Variants in LRRTM3 observed in about 807,000 individuals in gnomAD.
LRRTM3 encodes leucine rich repeat transmembrane neuronal 3.
Under a neutral mutation model 44.7 loss-of-function variants are expected in LRRTM3, and 24 were observed. The observed-to-expected ratio is 0.54, with a 90% CI of 0.39 to 0.76. LRRTM3 has a LOEUF of 0.76. Ranked by LOEUF, LRRTM3 falls within the 30% of genes least tolerant of loss-of-function variation. The probability of loss-of-function intolerance (pLI) is 0.00; values close to 1 mark genes in which losing one functional copy is unlikely to be tolerated. For synonymous variants in LRRTM3, 277 were observed against 278.7 expected, an observed-to-expected ratio of 0.99 and a Z score of 0.06; for missense variants, 587 against 702.2, an observed-to-expected ratio of 0.84 and a Z score of 1.85.
chr10:67,042,498 GAGTCA>G (rs747913264), intron 2 of LRRTM3, among the ~76,000 whole-genome samples: 61 of 152,222 alleles, frequency 4.0e-4, no homozygotes, highest in Non-Finnish European at 7.9e-4. Flanking sequence ...GAGAGATTTG[GAGTCA>G]TATATGTATA....
At position 67,068,715 on chromosome 10, in the gene LRRTM3, A is replaced by G. The variant is rs528994455; in HGVS notation, c.1537-28872A>G. 9.2e-5 allele frequency among the ~76,000 whole-genome samples: 14 copies of G among 152,346 alleles called. No homozygotes were observed. In the South Asian group the frequency reaches 2.9e-3, roughly 32 times the overall value. On this transcript the variant is annotated intron_variant, in intron 2 of 2. Coordinates refer to ENST00000361320, the MANE Select transcript of LRRTM3 (RefSeq NM_178011.5). ...AATGACCCAAATATGTTAGAAAAAG[A>G]CTAAAATAATCCATCAGATTTGTTC...
At chr10:67,069,398 C>G (rs2131842301) in intron 2 of LRRTM3, among the ~76,000 whole-genome samples, 1 of 152,024 alleles carries the variant, frequency 6.6e-6, no homozygotes, top group Middle Eastern at 3.4e-3. Flanking sequence ...AGCTTATTAA[C>G]TCAAAAAACG....
intron 2 of LRRTM3, among the ~76,000 whole-genome samples, chr10:67,029,661 T>C (rs1240633659): frequency 6.6e-6 from 1 of 152,198 alleles, no homozygotes; most frequent in African/African-American, 2.4e-5. Flanking sequence ...TAAATTTTAA[T>C]TTTCCCAAAA....
At chr10:66,978,337 C>A (rs1850182751) in intron 2 of LRRTM3, among the ~76,000 whole-genome samples, 2 of 151,228 alleles carry the variant, frequency 1.3e-5, no homozygotes, top group Admixed American at 1.3e-4. Context: ...ACCAGCCTGG[C>A]CAACATGGCA....
At position 67,049,836 on chromosome 10, in the gene LRRTM3, T is replaced by TA. The variant is rs575360768; in HGVS notation, c.1537-47751_1537-47750insA. 2.3e-3 allele frequency among the ~76,000 whole-genome samples: 346 copies of TA among 152,322 alleles called. 2 individuals are homozygous for TA. Among genetic ancestry groups the TA allele is most frequent in the African/African-American group, 8.0e-3 (332 of 41,574 alleles). ...GGTATGTGCATGTGTTTTATATATA[T>TA]TACAAATATAGTAATATATACACAC... On this transcript the variant is annotated intron_variant, in intron 2 of 2. Transcript: ENST00000361320.
intron 2 of LRRTM3, among the ~76,000 whole-genome samples, chr10:67,017,868 C>T (rs564747724): frequency 6.6e-6 from 1 of 152,036 alleles, no homozygotes; most frequent in Admixed American, 6.6e-5. Context: ...CTCCAGGGTT[C>T]AAGCGATTCT....
chr10:66,967,921 C>G (rs746970326), intron 2 of LRRTM3, among the ~76,000 whole-genome samples: 1 of 152,002 alleles, frequency 6.6e-6, no homozygotes, highest in Non-Finnish European at 1.5e-5. Context: ...ATCTATGATT[C>G]AGTGTGTTTC....
chr10:67,080,480 T>G (rs922848024), intron 2 of LRRTM3, among the ~76,000 whole-genome samples: 1 of 152,206 alleles, frequency 6.6e-6, no homozygotes, highest in Non-Finnish European at 1.5e-5. Flanking sequence ...TCGCAATACA[T>G]CTACTGACAT....
intron 2 of LRRTM3, among the ~76,000 whole-genome samples, chr10:67,035,465 T>A (rs952722415): frequency 3.3e-5 from 5 of 152,188 alleles, no homozygotes; most frequent in African/African-American, 4.8e-5. Flanking sequence ...TATTTTTTTT[T>A]AATTTTGAAG....
chr10:66,955,802 T>C (rs116555867), intron 2 of LRRTM3, among the ~76,000 whole-genome samples: 3,042 of 152,288 alleles, frequency 0.02, 96 homozygotes, highest in African/African-American at 0.069. Context: ...CCCATTCTCC[T>C]AGTATTTCTG....
chr10:67,010,614 C>T (rs1294396216), intron 2 of LRRTM3, among the ~76,000 whole-genome samples: 1 of 152,180 alleles, frequency 6.6e-6, no homozygotes, highest in Middle Eastern at 3.2e-3. Flanking sequence ...TTTACCACCG[C>T]CACCACCACT....
intron 2 of LRRTM3, among the ~76,000 whole-genome samples, chr10:67,042,306 G>A (rs546852693): frequency 6.6e-6 from 1 of 152,178 alleles, no homozygotes; most frequent in African/African-American, 2.4e-5. Context: ...TGAGAGGCAG[G>A]ACAGACAGAG....
intron 2 of LRRTM3, among the ~76,000 whole-genome samples, chr10:66,953,913 G>A (rs1249317026): frequency 6.6e-6 from 1 of 152,086 alleles, no homozygotes; most frequent in African/African-American, 2.4e-5. Flanking sequence ...CATTTCCTCT[G>A]CTATAAAATC....
At chr10:67,079,536 A>G (rs1275482194) in intron 2 of LRRTM3, among the ~76,000 whole-genome samples, 1 of 152,176 alleles carries the variant, frequency 6.6e-6, no homozygotes, top group Non-Finnish European at 1.5e-5. Flanking sequence ...TGTTATAATT[A>G]GGAAGATAAA....
At chr10:67,041,140 G>A (rs1277304301) in intron 2 of LRRTM3, among the ~76,000 whole-genome samples, 2 of 152,014 alleles carry the variant, frequency 1.3e-5, no homozygotes, top group Admixed American at 1.3e-4. Context: ...GAGAACTAGG[G>A]AATTCAGCCA....
chr10:67,045,642 A>T (rs2133163930), intron 2 of LRRTM3, among the ~76,000 whole-genome samples: 1 of 152,284 alleles, frequency 6.6e-6, no homozygotes, highest in Non-Finnish European at 1.5e-5. Context: ...TCCCAGGACT[A>T]GGGGCACTCC....
chr10:67,095,473 C>T (rs1314613385), intron 2 of LRRTM3, among the ~76,000 whole-genome samples: 1 of 151,732 alleles, frequency 6.6e-6, no homozygotes, highest in Non-Finnish European at 1.5e-5. Context: ...TCAGAGCTAA[C>T]TATTTAATTG....
At chr10:66,967,680 A>T (rs1849510806) in intron 2 of LRRTM3, among the ~76,000 whole-genome samples, 1 of 152,126 alleles carries the variant, frequency 6.6e-6, no homozygotes, top group East Asian at 1.9e-4. Context: ...AAGAATTTTT[A>T]AAAATGAACG....
At chr10:67,005,975 C>A (rs1048229997) in intron 2 of LRRTM3, among the ~76,000 whole-genome samples, 1 of 151,872 alleles carries the variant, frequency 6.6e-6, no homozygotes, top group African/African-American at 2.4e-5. Context: ...CGTGAGCCAT[C>A]GCACCCAACC....
Sources: gnomAD v4.1 joint callset for allele counts (sites outside exome capture counted in the v4.1 genomes callset) on GRCh38, gnomAD v4.1.1 for gene constraint, MANE v1.5 for transcripts, NCBI Gene and HGNC (gene_info 2026-07-23, HGNC 2026-07-21) for gene names.